KLF8: variants seen among roughly 807,000 people sequenced by gnomAD.
KLF8 encodes the protein KLF transcription factor 8, also known as Krueppel-like factor 8.
In KLF8, 10 loss-of-function variants were observed where a neutral mutation model predicts 18.2. That is an observed-to-expected ratio of 0.55 (90% CI 0.34 to 0.93). KLF8 has a LOEUF of 0.93. KLF8 is among the 40% of genes least tolerant of loss of function. KLF8 has a pLI of 0.02. For synonymous variants in KLF8, 109 were observed against 97.3 expected (o/e 1.12, Z -0.71); for missense variants, 264 against 277.9 (o/e 0.95, Z 0.36).
the KLF8 span, among the ~76,000 whole-genome samples, chrX:56,200,035 G>A: frequency 2.1e-4 from 23 of 111,232 alleles, no homozygotes; most frequent in Non-Finnish European, 4.0e-4. Context: ...TGAACAATGA[G>A]ATCACTTGGA....
intron 1 of KLF8, among the ~76,000 whole-genome samples, chrX:56,246,740 A>T (rs1012176728): frequency 4.5e-5 from 5 of 111,724 alleles, no homozygotes; most frequent in African/African-American, 1.6e-4. Flanking sequence ...TATAGCTGAT[A>T]ACCAACTGGC....
At chrX:56,068,280 C>T in the KLF8 span, among the ~76,000 whole-genome samples, 3 of 111,454 alleles carry the variant, frequency 2.7e-5, no homozygotes, top group East Asian at 5.6e-4. Context: ...ACCCCACCTG[C>T]CCTGCCACTG....
At chrX:55,935,774 T>G in the KLF8 span, among the ~76,000 whole-genome samples, 1 of 111,428 alleles carries the variant, frequency 9.0e-6, no homozygotes, top group Non-Finnish European at 1.9e-5. Context: ...TATAAAAACA[T>G]GCATGGGAAT....
At chrX:56,196,442 C>A in the KLF8 span, among the ~76,000 whole-genome samples, 1 of 111,350 alleles carries the variant, frequency 9.0e-6, no homozygotes, top group African/African-American at 3.3e-5. Flanking sequence ...ATAGGAGTTG[C>A]AATCCTAGTC....
At chrX:56,177,038 A>G in the KLF8 span, among the ~76,000 whole-genome samples, 1 of 110,616 alleles carries the variant, frequency 9.0e-6, no homozygotes, top group South Asian at 3.9e-4. Flanking sequence ...CTTCTTTGCC[A>G]TTGGTTAGAA....
the KLF8 span, among the ~76,000 whole-genome samples, chrX:56,161,719 C>T: frequency 9.0e-6 from 1 of 111,441 alleles, no homozygotes; most frequent in East Asian, 2.8e-4. Flanking sequence ...GTTTGAACTT[C>T]CTCCTTTAGC....
the KLF8 span, among the ~76,000 whole-genome samples, chrX:56,162,244 C>T: frequency 8.9e-6 from 1 of 112,129 alleles, no homozygotes; most frequent in Non-Finnish European, 1.9e-5. Context: ...GGCAGTCTGT[C>T]CATTCTCAGA....
the KLF8 span, among the ~76,000 whole-genome samples, chrX:56,126,515 A>G: frequency 9.0e-6 from 1 of 111,286 alleles, no homozygotes; most frequent in South Asian, 3.7e-4. Flanking sequence ...AGATCCCTTC[A>G]GTGGCTTCCC....
At position 56,285,120 on chromosome X, in the gene KLF8, G is replaced by C. The variant is rs1400172955; in HGVS notation, c.*626G>C. 8.0e-5 allele frequency: 9 copies of C among 111,875 alleles called. No individual in the cohort carries two copies. The highest frequency in any genetic ancestry group is 2.6e-4 in the African/African-American group (8 of 30,825). 9.2% of individuals were successfully genotyped at this position (111,875 alleles called of 1,213,427 possible). On this transcript the variant is annotated 3_prime_UTR_variant, in exon 6 of 6. Transcript: ENST00000468660. ...AAAGTTTGGTTTTCAGACAGTGCTG[G>C]TGCTTCTGCTTCTTAAGTTCATCAA...
the KLF8 span, among the ~76,000 whole-genome samples, chrX:56,183,585 G>A: frequency 1.7e-4 from 19 of 111,135 alleles, no homozygotes; most frequent in African/African-American, 6.2e-4. Flanking sequence ...TTCCTATTCA[G>A]CAATCTTGGA....
At chrX:56,162,091 G>T in the KLF8 span, among the ~76,000 whole-genome samples, 1 of 111,768 alleles carries the variant, frequency 8.9e-6, no homozygotes, top group Middle Eastern at 4.2e-3. Context: ...AGTTAATACT[G>T]GTGAGCAGCA....
At chrX:55,934,661 A>T in the KLF8 span, among the ~76,000 whole-genome samples, 197 of 112,714 alleles carry the variant, frequency 1.7e-3, 1 homozygote, top group African/African-American at 5.9e-3. Context: ...AATATTAGTC[A>T]GTAAGCTTCT....
the KLF8 span, among the ~76,000 whole-genome samples, chrX:56,187,875 A>G: frequency 8.9e-6 from 1 of 112,019 alleles, no homozygotes; most frequent in African/African-American, 3.2e-5. Flanking sequence ...GACGTATCTC[A>G]AAATAATAAG....
At chrX:56,055,454 C>A in the KLF8 span, among the ~76,000 whole-genome samples, 1 of 111,724 alleles carries the variant, frequency 9.0e-6, no homozygotes, top group Non-Finnish European at 1.9e-5. Flanking sequence ...ATTGGATTCC[C>A]TTTCTAGGTG....
the KLF8 span, among the ~76,000 whole-genome samples, chrX:55,960,608 A>AAGAAGGAGAAGGAGAAAAG: frequency 1.3e-5 from 1 of 79,578 alleles, no homozygotes; most frequent in African/African-American, 3.7e-5. Flanking sequence ...AAGGAGAAAA[A>AAGAAGGAGAAGGAGAAAAG]AAGAAGAAGG....
chrX:55,940,345 T>G, the KLF8 span, among the ~76,000 whole-genome samples: 2 of 111,870 alleles, frequency 1.8e-5, no homozygotes, highest in Admixed American at 1.9e-4. Context: ...TGCTAAAAAC[T>G]CTCAATAAAT....
At chrX:56,121,657 T>C in the KLF8 span, among the ~76,000 whole-genome samples, 1 of 112,468 alleles carries the variant, frequency 8.9e-6, no homozygotes, top group Non-Finnish European at 1.9e-5. Context: ...ATGGCCCATG[T>C]TGGCTGAACT....
chrX:56,261,414 T>G (rs2066881503), intron 2 of KLF8, among the ~76,000 whole-genome samples: 1 of 111,716 alleles, frequency 9.0e-6, no homozygotes, highest in African/African-American at 3.2e-5. Context: ...AGAGAACACT[T>G]AAAAACTGAA....
the KLF8 span, among the ~76,000 whole-genome samples, chrX:56,132,808 A>G: frequency 4.5e-5 from 5 of 111,554 alleles, no homozygotes; most frequent in East Asian, 1.4e-3. Flanking sequence ...TCCAAATAAC[A>G]TTAATTAGAA....
Sources: gnomAD v4.1 joint callset for allele counts (sites outside exome capture counted in the v4.1 genomes callset) on GRCh38, gnomAD v4.1.1 for gene constraint, MANE v1.5 for transcripts, NCBI Gene and HGNC (gene_info 2026-07-23, HGNC 2026-07-21) for gene names.